The following FAM110B variants were observed in gnomAD, a reference collection of about 807,000 sequenced individuals.
The protein encoded by FAM110B is family with sequence similarity 110 member B.
In FAM110B, 6 loss-of-function variants were observed where a neutral mutation model predicts 20.4. The ratio of observed to expected loss-of-function variants is 0.29; its 90% CI spans 0.16 to 0.58. The LOEUF (loss-of-function observed/expected upper bound fraction) is 0.58. Among genes scored for constraint, FAM110B ranks in the 20% least tolerant of loss-of-function variants. FAM110B has a pLI of 0.90. For synonymous variants in FAM110B, 226 were observed against 214.1 expected, an observed-to-expected ratio of 1.06 and a Z score of -0.49; for missense variants, 434 against 498.2, an observed-to-expected ratio of 0.87 and a Z score of 1.23.
At chr8:58,093,325 A>G (rs897506325) in intron 3 of FAM110B, among the ~76,000 whole-genome samples, 3 of 152,178 alleles carry the variant, frequency 2.0e-5, no homozygotes, top group African/African-American at 7.2e-5. Flanking sequence ...GTCCTTGCCC[A>G]TGCCTATGTC....
chr8:58,134,568 C>G (rs1803565973), intron 3 of FAM110B, among the ~76,000 whole-genome samples: 1 of 152,236 alleles, frequency 6.6e-6, no homozygotes, highest in African/African-American at 2.4e-5. Flanking sequence ...TAGTTCAACT[C>G]TGGGAACATT....
At chr8:58,038,393 G>T (rs1805131122) in intron 2 of FAM110B, among the ~76,000 whole-genome samples, 1 of 152,154 alleles carries the variant, frequency 6.6e-6, no homozygotes, top group Non-Finnish European at 1.5e-5. Context: ...AGAAAACGGA[G>T]ATCATTTCAC....
At chr8:58,030,034 A>G (rs76292062) in intron 1 of FAM110B, among the ~76,000 whole-genome samples, 4,298 of 152,280 alleles carry the variant, frequency 0.028, 201 homozygotes, top group African/African-American at 0.097. Flanking sequence ...TTTTGGCCAA[A>G]ATAAAAGTAT....
intron 3 of FAM110B, among the ~76,000 whole-genome samples, chr8:58,114,346 A>G (rs1015087083): frequency 6.6e-6 from 1 of 152,332 alleles, no homozygotes; most frequent in East Asian, 1.9e-4. Flanking sequence ...AACAAATAAT[A>G]TACTTCCCTG....
chr8:58,075,368 C>T (rs943799836), intron 2 of FAM110B, among the ~76,000 whole-genome samples, 167 bp from the exon 3 acceptor site: 2 of 151,920 alleles, frequency 1.3e-5, no homozygotes, highest in Admixed American at 6.6e-5. Flanking sequence ...ATCTGCCCCC[C>T]TCGGCCTCCC....
chr8:58,123,445 G>A (rs997669382), intron 3 of FAM110B, among the ~76,000 whole-genome samples: 1 of 152,070 alleles, frequency 6.6e-6, no homozygotes, highest in Non-Finnish European at 1.5e-5. Flanking sequence ...TCTTTCTGCT[G>A]TGTTTATTAT....
In FAM110B at chr8:58,030,373, G is replaced by T. The variant is rs968836854; in HGVS notation, c.-511-1233G>T. On this transcript the variant is annotated intron_variant, in intron 1 of 3. Coordinates refer to ENST00000519262, the MANE Select transcript of FAM110B (RefSeq NM_001377989.1). ...GTAGGCTGTTTTGAAAGTTTTGAAAGTGAGTGGAAAGTATCAATCTTAGTT... is the reference window on the plus strand; with the variant it reads ...GTAGGCTGTTTTGAAAGTTTTGAAATTGAGTGGAAAGTATCAATCTTAGTT... 2.0e-5 allele frequency among the ~76,000 whole-genome samples: 3 copies of T among 152,186 alleles called. No individual in the cohort carries two copies. In the East Asian group the frequency reaches 5.8e-4, roughly 29 times the overall value.
chr8:57,999,018 G>A (rs1309105413), intron 1 of FAM110B, among the ~76,000 whole-genome samples: 2 of 152,106 alleles, frequency 1.3e-5, no homozygotes, highest in Non-Finnish European at 2.9e-5. Context: ...ATAAGAAACT[G>A]GCATTCAAAG....
intron 2 of FAM110B, among the ~76,000 whole-genome samples, chr8:58,046,465 G>A (rs1225003882): frequency 6.6e-6 from 1 of 152,160 alleles, no homozygotes; most frequent in East Asian, 1.9e-4. Flanking sequence ...TGTAACTGAA[G>A]ACTCATGATT....
chr8:58,102,673 C>T (rs1044301523), intron 3 of FAM110B, among the ~76,000 whole-genome samples: 1 of 152,144 alleles, frequency 6.6e-6, no homozygotes, highest in Non-Finnish European at 1.5e-5. Context: ...TTCTTGTCTG[C>T]CACTGCCCTC....
chr8:58,091,850 C>G (rs897162512), intron 3 of FAM110B, among the ~76,000 whole-genome samples: 3 of 152,182 alleles, frequency 2.0e-5, no homozygotes, highest in Admixed American at 2.0e-4. Context: ...ACCATGGAGA[C>G]AGCTTACTAC....
chr8:58,054,926 TA>T (rs1420618857), intron 2 of FAM110B, among the ~76,000 whole-genome samples: 1 of 152,094 alleles, frequency 6.6e-6, no homozygotes, highest in African/African-American at 2.4e-5. Flanking sequence ...TCTTTTTTTT[TA>T]ACCTGATATT....
At chr8:58,086,707 T>G (rs1161592215) in intron 3 of FAM110B, among the ~76,000 whole-genome samples, 1 of 152,250 alleles carries the variant, frequency 6.6e-6, no homozygotes, top group Non-Finnish European at 1.5e-5. Context: ...CTCTACAAAC[T>G]GCCACCTTTG....
At chr8:58,018,809 AATAGATAGATAG>A (rs59685703) in intron 1 of FAM110B, among the ~76,000 whole-genome samples, 168 of 148,048 alleles carry the variant, frequency 1.1e-3, no homozygotes, top group African/African-American at 2.9e-3. Context: ...TAGGGATTAC[AATAGATAGATAG>A]ATAGATAGAT....
intron 2 of FAM110B, among the ~76,000 whole-genome samples, chr8:58,069,142 A>G (rs1415257289): frequency 6.6e-6 from 1 of 152,208 alleles, no homozygotes; most frequent in Non-Finnish European, 1.5e-5. Flanking sequence ...CTCAGCCTTC[A>G]TGGCTTCAGA....
chr8:58,071,091 TC>T (rs1281054461), intron 2 of FAM110B, among the ~76,000 whole-genome samples: 1 of 152,164 alleles, frequency 6.6e-6, no homozygotes, highest in African/African-American at 2.4e-5. Flanking sequence ...ACTTACTTTG[TC>T]TACTGTTTGA....
At chr8:58,126,188 C>T (rs377231635) in intron 3 of FAM110B, among the ~76,000 whole-genome samples, 10 of 152,098 alleles carry the variant, frequency 6.6e-5, no homozygotes, top group Non-Finnish European at 1.0e-4. Context: ...TTTCATGCAG[C>T]TGTTCCTCAG....
chr8:58,003,493 C>G (rs1351783006), intron 1 of FAM110B, among the ~76,000 whole-genome samples: 1 of 152,174 alleles, frequency 6.6e-6, no homozygotes, highest in Non-Finnish European at 1.5e-5. Flanking sequence ...CAATCAGTAT[C>G]TATGGCAGCT....
intron 1 of FAM110B, among the ~76,000 whole-genome samples, chr8:58,018,059 A>G (rs938643700): frequency 2.0e-5 from 3 of 152,222 alleles, no homozygotes; most frequent in Admixed American, 6.5e-5. Flanking sequence ...TGTATTTCAC[A>G]GGGCTATAGA....
Sources: allele counts gnomAD v4.1 joint callset (sites outside exome capture counted in the v4.1 genomes callset), GRCh38; gene constraint gnomAD v4.1.1; transcripts MANE v1.5; gene names NCBI Gene and HGNC (gene_info 2026-07-23, HGNC 2026-07-21).